The following SVOPL variants were observed in gnomAD, a reference collection of about 807,000 sequenced individuals.
The protein encoded by SVOPL is SVOP like.
SVOPL carries 60 observed loss-of-function variants against 61.0 expected under a neutral mutation model. The ratio of observed to expected loss-of-function variants is 0.98; its 90% CI spans 0.80 to 1.22. SVOPL has a LOEUF of 1.22. Ranked by LOEUF, SVOPL falls within the 50% of genes most tolerant of loss-of-function variation. SVOPL has a pLI of 0.00. For synonymous variants in SVOPL, 279 were observed against 250.0 expected, an observed-to-expected ratio of 1.12 and a Z score of -1.09; for missense variants, 662 against 643.9, an observed-to-expected ratio of 1.03 and a Z score of -0.30.
At chr7:138,653,524 G>T (rs1441931338) in intron 7 of SVOPL, among the ~76,000 whole-genome samples, 1 of 152,126 alleles carries the variant, frequency 6.6e-6, no homozygotes, top group African/African-American at 2.4e-5. Flanking sequence ...TCTTGGGGCC[G>T]TGCACAGTGC....
rs941761941 is a variant in SVOPL at position 138,627,682 on chromosome 7, A to G, written c.1070-221T>C. Among the ~76,000 whole-genome samples, 31 of 152,184 alleles carry G rather than the reference A, an allele frequency of 2.0e-4. 1 individual carries two copies. The highest frequency in any genetic ancestry group is 1.9e-3 in the Admixed American group (29 of 15,266). On this transcript the variant is annotated intron_variant, in intron 11 of 15. Transcript: ENST00000674285. ...GGAATGATAAGCACTGGTGCCCAGA[A>G]TACTTATTATATCATACAGGTCTAT...
At chr7:138,607,267 C>G (rs1487691541) in intron 14 of SVOPL, among the ~76,000 whole-genome samples, 2 of 152,118 alleles carry the variant, frequency 1.3e-5, no homozygotes, top group Non-Finnish European at 2.9e-5. Flanking sequence ...GTTTGGGGTT[C>G]ATGAGGAAGT....
At chr7:138,628,677 C>G (rs1207539842) in intron 10 of SVOPL, among the ~76,000 whole-genome samples, 1 of 152,144 alleles carries the variant, frequency 6.6e-6, no homozygotes, top group Admixed American at 6.6e-5. Context: ...ATGAAAGTTC[C>G]AGTTACTTTG....
intron 10 of SVOPL, 47 bp from the exon 11 acceptor site, chr7:138,628,410 T>C (rs906413805): frequency 1.3e-6 from 2 of 1,589,636 alleles, no homozygotes; most frequent in Non-Finnish European, 1.7e-6. Flanking sequence ...ACACCAGACC[T>C]GAAGGATGAG....
Position 138,596,487 on chromosome 7 carries a change from G to A in SVOPL, c.1397C>T (p.Ser466Leu). ...AATGGCGCATACAACACAGACAGAT[G>A]AGAAGAGACACAGGGCCCCCAGTAT... ...ASILGALCLF[S>L]SVCVVCAISA... Residue 466 changes from serine to leucine, a missense_variant, in exon 15 of 16, where the codon TCA (serine) becomes TTA (leucine). Transcript: ENST00000674285. 1 of 1,613,920 alleles carries A rather than the reference G, an allele frequency of 6.2e-7. No individual in the cohort carries two copies. The highest frequency in any genetic ancestry group is 2.2e-5 in the East Asian group (1 of 44,862).
At chr7:138,594,657 T>G (rs1798206421) in intron 15 of SVOPL, 36 bp from the exon 16 acceptor site, 11 of 1,512,332 alleles carry the variant, frequency 7.3e-6, no homozygotes, top group Non-Finnish European at 9.8e-6. Context: ...AGTAATAGAC[T>G]TTTTAAAAGT....
intron 9 of SVOPL, among the ~76,000 whole-genome samples, chr7:138,641,814 T>TTTTATATA (rs765128177): frequency 5.8e-5 from 7 of 120,978 alleles, no homozygotes; most frequent in Middle Eastern, 4.2e-3. Context: ...TATATATATG[T>TTTTATATA]TATATATATA....
intron 14 of SVOPL, among the ~76,000 whole-genome samples, chr7:138,611,907 C>T (rs1426588258): frequency 1.2e-3 from 31 of 26,470 alleles, no homozygotes; most frequent in African/African-American, 2.0e-3. Context: ...CCCAACAGCT[C>T]ATTGAGAACG....
chr7:138,612,848 C>T (rs1338363999), intron 14 of SVOPL, among the ~76,000 whole-genome samples: 1 of 151,574 alleles, frequency 6.6e-6, no homozygotes, highest in African/African-American at 2.4e-5. Flanking sequence ...TCAGGTTTAC[C>T]ATGTTTTCCT....
rs566847391 is a variant in SVOPL at position 138,627,313 on chromosome 7, C to G, written c.1181+37G>C. ...GGGTCAGGAGACTCCATTTAGAAACCACTGCACAAAATCTGAAGCAATTAA... is the reference window on the plus strand; with the variant it reads ...GGGTCAGGAGACTCCATTTAGAAACGACTGCACAAAATCTGAAGCAATTAA... On this transcript the variant is annotated intron_variant, in intron 12 of 15. Transcript: ENST00000674285. 41 of 1,516,588 alleles carry G rather than the reference C, an allele frequency of 2.7e-5. No homozygotes were observed. The South Asian group carries it at 3.8e-4, about 14-fold the overall frequency. The allele number at this position is 1,516,588 out of a possible 1,614,324, so 93.9% of individuals were successfully genotyped here. A position where few individuals can be genotyped will look rare whatever the true frequency, so the allele number is the denominator to read the frequency against.
At chr7:138,659,452 A>G (rs993926807) in intron 6 of SVOPL, among the ~76,000 whole-genome samples, 1 of 151,482 alleles carries the variant, frequency 6.6e-6, no homozygotes, top group Admixed American at 6.6e-5. Flanking sequence ...AGATTGTGCC[A>G]TTGCACTCCA....
At chr7:138,603,443 G>A (rs1798613428) in intron 14 of SVOPL, among the ~76,000 whole-genome samples, 1 of 152,186 alleles carries the variant, frequency 6.6e-6, no homozygotes, top group Non-Finnish European at 1.5e-5. Context: ...CAGCACTTTG[G>A]AAGGCTGAGG....
chr7:138,641,850 A>T (rs1800817418), intron 9 of SVOPL, among the ~76,000 whole-genome samples: 1 of 144,004 alleles, frequency 6.9e-6, no homozygotes, highest in Non-Finnish European at 1.5e-5. Flanking sequence ...TATATATAAC[A>T]TATATATAGT....
chr7:138,658,292 C>T (rs370538692), intron 6 of SVOPL, among the ~76,000 whole-genome samples: 31 of 152,226 alleles, frequency 2.0e-4, no homozygotes, highest in African/African-American at 2.9e-4. Flanking sequence ...TATTCCCCCC[C>T]CTCCCTTTTA....
intron 9 of SVOPL, among the ~76,000 whole-genome samples, chr7:138,641,919 A>G (rs1445345000): frequency 1.5e-4 from 6 of 40,584 alleles, no homozygotes; most frequent in Non-Finnish European, 2.0e-4. Flanking sequence ...GTATATATGT[A>G]TGTGTATACA....
At position 138,594,545 on chromosome 7, in the gene SVOPL, A is replaced by C; in HGVS notation, c.*65T>G. The C allele has an allele frequency of 6.6e-7, 1 of 1,514,530 alleles. No homozygotes were observed. Among genetic ancestry groups the C allele is most frequent in the Non-Finnish European group, 8.9e-7 (1 of 1,117,604 alleles). 93.8% of individuals were successfully genotyped at this position (1,514,530 alleles called of 1,614,324 possible). ...CAGAAGTAAAACCAAGTTTTAAAAA[A>C]ATGCACCGCAGTTCTGAAGATAGAA... On this transcript the variant is annotated 3_prime_UTR_variant, in exon 16 of 16. Transcript: ENST00000674285.
At chr7:138,617,403 CAAG>C (rs528149963) in intron 14 of SVOPL, among the ~76,000 whole-genome samples, 17 of 152,108 alleles carry the variant, frequency 1.1e-4, no homozygotes, top group African/African-American at 3.1e-4. Context: ...GAAGGAGGAG[CAAG>C]AAGAAGGAAA....
rs896497652 is a variant in SVOPL, at chr7:138,648,976, G to A, written c.660+36C>T. On this transcript the variant is annotated intron_variant, in intron 8 of 15. Transcript: ENST00000674285. ...CATGAAGGCCACTGGACCAGCAGGA[G>A]GAGGGGACAGGAAGGAGCCACAAGT... 3.1e-6 allele frequency: 5 copies of A among 1,612,602 alleles called. No individual in the cohort carries two copies. The South Asian group carries it at 4.4e-5, about 14-fold the overall frequency.
At chr7:138,618,024 G>T (rs79076168) in intron 14 of SVOPL, among the ~76,000 whole-genome samples, 3,455 of 152,180 alleles carry the variant, frequency 0.023, 141 homozygotes, top group African/African-American at 0.078. Flanking sequence ...TGTCTACTTG[G>T]AGCAGCTCAC....
Sources: allele counts gnomAD v4.1 joint callset (sites outside exome capture counted in the v4.1 genomes callset), GRCh38; gene constraint gnomAD v4.1.1; transcripts MANE v1.5; gene names NCBI Gene and HGNC (gene_info 2026-07-23, HGNC 2026-07-21).